The following COLQ variants were observed in gnomAD, a reference collection of about 807,000 sequenced individuals.
The protein encoded by COLQ is collagen like tail subunit of asymmetric acetylcholinesterase.
COLQ carries 48 observed loss-of-function variants against 69.0 expected under a neutral mutation model. The ratio of observed to expected loss-of-function variants is 0.70; its 90% CI spans 0.55 to 0.88. The LOEUF (loss-of-function observed/expected upper bound fraction) is 0.88, where lower values mean the gene tolerates loss of function less well. COLQ is among the 40% of genes least tolerant of loss of function. The probability of loss-of-function intolerance (pLI) is 0.00; values close to 1 mark genes in which losing one functional copy is unlikely to be tolerated. For synonymous variants in COLQ, 217 were observed against 211.2 expected, an observed-to-expected ratio of 1.03 and a Z score of -0.24; for missense variants, 618 against 594.6, an observed-to-expected ratio of 1.04 and a Z score of -0.41.
chr3:15,458,066 G>T, intron 13 of COLQ, 120 bp downstream of exon 13: 1 of 1,046,644 alleles, frequency 9.6e-7, no homozygotes. Flanking sequence ...CTATAATGAG[G>T]GTGTACTCAG....
intron 12 of COLQ, among the ~76,000 whole-genome samples, chr3:15,465,236 A>AGATGGAGTCTTTATATT (rs1559515571): frequency 1.2e-5 from 1 of 81,702 alleles, no homozygotes; most frequent in African/African-American, 4.3e-5. Flanking sequence ...TTATATTTTG[A>AGATGGAGTCTTTATATT]TTTATTTATT....
chr3:15,477,229 C>A (rs1479974521), intron 5 of COLQ, 32 bp from the exon 6 acceptor site: 4 of 1,573,418 alleles, frequency 2.5e-6, no homozygotes, highest in Non-Finnish European at 2.6e-6. Context: ...GTCAGGGCAA[C>A]TGGGTTTGTT....
At chr3:15,463,477 G>A (rs1207104523) in intron 12 of COLQ, among the ~76,000 whole-genome samples, 1 of 151,780 alleles carries the variant, frequency 6.6e-6, no homozygotes, top group African/African-American at 2.4e-5. Context: ...CTCCCATGTA[G>A]CTGGGACTAC....
chr3:15,458,906 C>T (rs59891170), intron 12 of COLQ, among the ~76,000 whole-genome samples: 2,957 of 151,432 alleles, frequency 0.02, 86 homozygotes, highest in African/African-American at 0.065. Flanking sequence ...TGCAGTGGCA[C>T]GATCTTGGCT....
At chr3:15,521,248 T>A (rs1403089794) in intron 1 of COLQ, among the ~76,000 whole-genome samples, 3 of 152,330 alleles carry the variant, frequency 2.0e-5, no homozygotes, top group South Asian at 4.1e-4. Context: ...GATGAAATCA[T>A]GCAGCAAATG....
chr3:15,510,474 C>G (rs545284327), intron 1 of COLQ, among the ~76,000 whole-genome samples: 48 of 130,422 alleles, frequency 3.7e-4, no homozygotes, highest in African/African-American at 1.5e-3. Flanking sequence ...TTTGGGAAGC[C>G]AAGGCAGGTG....
chr3:15,453,605 G>A (rs911507646), intron 16 of COLQ, among the ~76,000 whole-genome samples: 15 of 152,170 alleles, frequency 9.9e-5, no homozygotes, highest in African/African-American at 3.6e-4. Context: ...GGAGCAGGTG[G>A]CTGTGGGTGC....
chr3:15,482,473 G>A (rs531643460), intron 3 of COLQ, among the ~76,000 whole-genome samples: 2 of 152,244 alleles, frequency 1.3e-5, no homozygotes, highest in East Asian at 3.9e-4. Context: ...ATAATTATGT[G>A]GTTTTTGTCT....
intron 1 of COLQ, among the ~76,000 whole-genome samples, chr3:15,495,833 T>C (rs548995438): frequency 2.5e-4 from 38 of 152,118 alleles, no homozygotes; most frequent in Non-Finnish European, 4.4e-4. Flanking sequence ...GCAGCTTCAG[T>C]TGTAGGGTGG....
intron 1 of COLQ, chr3:15,498,795 C>A (rs1358184432): frequency 3.4e-6 from 5 of 1,486,086 alleles, no homozygotes; most frequent in Non-Finnish European, 4.5e-6. Flanking sequence ...GGGTAGGCAG[C>A]CCTGCTCCAG....
At chr3:15,492,831 A>G (rs1367028559) in intron 1 of COLQ, among the ~76,000 whole-genome samples, 3 of 152,218 alleles carry the variant, frequency 2.0e-5, no homozygotes. Flanking sequence ...CTCAACAGAC[A>G]GTGATGCTAC....
chr3:15,480,281 A>G (rs1319639685), intron 3 of COLQ, among the ~76,000 whole-genome samples: 3 of 152,118 alleles, frequency 2.0e-5, no homozygotes, highest in Non-Finnish European at 4.4e-5. Flanking sequence ...TGCTGCACCC[A>G]CTAACTTGTC....
intron 1 of COLQ, among the ~76,000 whole-genome samples, chr3:15,520,178 G>A (rs189149817): frequency 1.3e-5 from 2 of 152,352 alleles, no homozygotes; most frequent in Admixed American, 6.5e-5. Flanking sequence ...ACTGGGGAAT[G>A]AATAATGACT....
At position 15,473,754 on chromosome 3, in the gene COLQ, A is replaced by T; in HGVS notation, c.636+246T>A. ...CAAAAAAGCAAAAAAACAAACAAAC[A>T]AACAAAAACCCAAAACCCAGATGGG... On this transcript the variant is annotated intron_variant, in intron 10 of 16. Coordinates refer to ENST00000383788, the MANE Select transcript of COLQ (RefSeq NM_005677.4). This position sits in a 1 kb window ranked among gnomAD's most constrained non-coding sequence, Gnocchi z 4.0. 6.6e-6 allele frequency among the ~76,000 whole-genome samples: 1 copy of T among 152,100 alleles called. No homozygotes were observed. Among genetic ancestry groups the T allele is most frequent in the East Asian group, 1.9e-4 (1 of 5,190 alleles).
Position 15,484,459 on chromosome 3 carries a change from G to A in COLQ, c.321+3747C>T, listed in dbSNP as rs537568127. Among the ~76,000 whole-genome samples, 87 of 152,226 alleles carry A rather than the reference G, an allele frequency of 5.7e-4. No individual in the cohort carries two copies. The South Asian group carries it at 0.017, about 30-fold the overall frequency. On this transcript the variant is annotated intron_variant, in intron 3 of 16. Coordinates refer to ENST00000383788, the MANE Select transcript of COLQ (RefSeq NM_005677.4). ...CTGTATTTCCTCAATTTGAATGTTG[G>A]CCTGCCTTGCTAGGTTGGGGAAGTA...
At position 15,452,068 on chromosome 3, in the gene COLQ, A is replaced by ATT. The variant is rs10589288; in HGVS notation, c.1299-357_1299-356dup. The stretch of plus-strand genomic sequence containing the variant: ...GTAGTTACTGTGACTGAATAACTGC[A>ATT]TTTTTTTTTTTTTTTTGAGACAGAG... On this transcript the variant is annotated intron_variant, in intron 16 of 16. Coordinates refer to ENST00000383788, the MANE Select transcript of COLQ (RefSeq NM_005677.4). Among the ~76,000 whole-genome samples, 458 of 143,062 alleles carry ATT rather than the reference A, an allele frequency of 3.2e-3. 3 individuals are homozygous for ATT. The highest frequency in any genetic ancestry group is 4.8e-3 in the Non-Finnish European group (315 of 65,760). The allele number at this position is 143,062 out of a possible 152,430, so 93.9% of individuals were successfully genotyped here.
chr3:15,512,198 C>T (rs758662319), intron 1 of COLQ, among the ~76,000 whole-genome samples: 2 of 152,148 alleles, frequency 1.3e-5, no homozygotes, highest in Non-Finnish European at 2.9e-5. Flanking sequence ...GTGTGGGATG[C>T]CTGGGAGGGA....
At chr3:15,467,788 T>A (rs1489324189) in intron 11 of COLQ, 1 of 445,656 alleles carries the variant, frequency 2.2e-6, no homozygotes, top group Admixed American at 2.5e-5. Flanking sequence ...GTAATCTTCC[T>A]CAAATCTGGG....
intron 13 of COLQ, among the ~76,000 whole-genome samples, chr3:15,457,303 T>G (rs1056994463): frequency 7.9e-5 from 12 of 151,692 alleles, no homozygotes; most frequent in African/African-American, 2.4e-4. Flanking sequence ...AGCAATAGGT[T>G]GGTTAAACAC....
Sources: allele counts gnomAD v4.1 joint callset (sites outside exome capture counted in the v4.1 genomes callset), GRCh38; gene constraint gnomAD v4.1.1; non-coding constraint Gnocchi (gnomAD v3.1); transcripts MANE v1.5; gene names NCBI Gene and HGNC (gene_info 2026-07-23, HGNC 2026-07-21).